CTNNA3: variants seen among roughly 807,000 people sequenced by gnomAD.
The protein encoded by CTNNA3 is catenin alpha 3.
A neutral mutation model predicts 95.7 loss-of-function variants in CTNNA3; 76 were observed. That is an observed-to-expected ratio of 0.79 (90% confidence interval 0.66 to 0.96). The LOEUF (loss-of-function observed/expected upper bound fraction) is 0.96. Ranked by LOEUF, CTNNA3 falls within the 40% of genes least tolerant of loss-of-function variation. The pLI is 0.00. For synonymous variants in CTNNA3, 431 were observed against 374.4 expected (o/e 1.15, Z -1.74); for missense variants, 1,191 against 1,089.8 (o/e 1.09, Z -1.31).
intron 17 of CTNNA3, among the ~76,000 whole-genome samples, chr10:65,944,863 T>C (rs544360430): frequency 1.3e-4 from 11 of 86,668 alleles, no homozygotes; most frequent in African/African-American, 3.6e-4. Context: ...TGTCTATCTA[T>C]CTATCTATCT....
At chr10:66,749,558 T>C (rs1839048765) in intron 9 of CTNNA3, among the ~76,000 whole-genome samples, 1 of 152,200 alleles carries the variant, frequency 6.6e-6, no homozygotes, top group South Asian at 2.1e-4. Context: ...TTTTTTGTGT[T>C]GAGTAATATT....
At chr10:66,449,622 A>G (rs769033429) in intron 11 of CTNNA3, among the ~76,000 whole-genome samples, 29 of 152,212 alleles carry the variant, frequency 1.9e-4, no homozygotes, top group Non-Finnish European at 2.9e-4. Flanking sequence ...TTTGCCTTCT[A>G]TAAATTATAA....
chr10:66,404,474 T>C (rs1474231792), intron 11 of CTNNA3, among the ~76,000 whole-genome samples: 1 of 152,196 alleles, frequency 6.6e-6, no homozygotes, highest in Non-Finnish European at 1.5e-5. Flanking sequence ...TTCTATTGTG[T>C]GCTGGGCACT....
chr10:66,965,349 A>T (rs1057181570), intron 7 of CTNNA3, among the ~76,000 whole-genome samples: 14 of 152,072 alleles, frequency 9.2e-5, no homozygotes, highest in African/African-American at 3.4e-4. Flanking sequence ...ATCTTGGCCA[A>T]CATGGTGAAA....
chr10:67,540,404 T>C (rs1238084757), intron 3 of CTNNA3, among the ~76,000 whole-genome samples: 1 of 152,008 alleles, frequency 6.6e-6, no homozygotes, highest in African/African-American at 2.4e-5. Flanking sequence ...CTTTTTATTA[T>C]AAAAGTACTA....
intron 5 of CTNNA3, among the ~76,000 whole-genome samples, chr10:67,480,479 G>A (rs1029062107): frequency 1.3e-5 from 2 of 152,228 alleles, no homozygotes; most frequent in Non-Finnish European, 2.9e-5. Context: ...TGATGCCCAT[G>A]CTGGAAGTTG....
At chr10:66,391,624 AC>A (rs1444369831) in intron 11 of CTNNA3, among the ~76,000 whole-genome samples, 2 of 152,116 alleles carry the variant, frequency 1.3e-5, no homozygotes, top group East Asian at 3.9e-4. Flanking sequence ...GATTCTTGTT[AC>A]AAAAAGTGTT....
At chr10:67,602,242 ATTTTGT>A (rs1843106040) in intron 3 of CTNNA3, among the ~76,000 whole-genome samples, 1 of 151,724 alleles carries the variant, frequency 6.6e-6, no homozygotes, top group South Asian at 2.1e-4. Context: ...TGTTTCAAGT[ATTTTGT>A]AGAGTTTATT....
At chr10:66,890,796 G>T (rs900364489) in intron 7 of CTNNA3, among the ~76,000 whole-genome samples, 2 of 152,154 alleles carry the variant, frequency 1.3e-5, no homozygotes, top group African/African-American at 4.8e-5. Flanking sequence ...TATTAGGAAT[G>T]ATTTAGTAGG....
intron 9 of CTNNA3, among the ~76,000 whole-genome samples, chr10:66,705,620 G>A (rs796099617): frequency 5.3e-5 from 8 of 152,118 alleles, no homozygotes; most frequent in African/African-American, 1.9e-4. Flanking sequence ...TTGAGGTGTT[G>A]ACATCTCTAA....
At chr10:67,174,991 C>G (rs561075357) in intron 7 of CTNNA3, among the ~76,000 whole-genome samples, 1 of 146,466 alleles carries the variant, frequency 6.8e-6, no homozygotes, top group African/African-American at 2.5e-5. Flanking sequence ...ATAATGAAAA[C>G]GGTTAAGAAT....
At chr10:66,777,666 T>A (rs956409979) in intron 7 of CTNNA3, among the ~76,000 whole-genome samples, 18 of 152,052 alleles carry the variant, frequency 1.2e-4, no homozygotes, top group African/African-American at 4.3e-4. Flanking sequence ...ATTCTCTAGC[T>A]TCATGCAGTG....
intron 5 of CTNNA3, among the ~76,000 whole-genome samples, chr10:67,278,705 C>T (rs910258948): frequency 2.0e-5 from 3 of 152,062 alleles, no homozygotes; most frequent in South Asian, 2.1e-4. Flanking sequence ...GGAAGGAAAA[C>T]GAAGGGGGAA....
intron 10 of CTNNA3, among the ~76,000 whole-genome samples, chr10:66,612,804 T>A (rs1430515676): frequency 1.3e-5 from 2 of 152,120 alleles, no homozygotes; most frequent in Non-Finnish European, 2.9e-5. Flanking sequence ...TTTTCCCAAA[T>A]GTGCAAATCT....
intron 12 of CTNNA3, among the ~76,000 whole-genome samples, chr10:66,362,774 T>C (rs186998416): frequency 9.3e-4 from 141 of 152,182 alleles, no homozygotes; most frequent in African/African-American, 3.2e-3. Flanking sequence ...ATCCCTCAGA[T>C]AGCTTTGCTC....
intron 17 of CTNNA3, among the ~76,000 whole-genome samples, chr10:65,926,903 T>C (rs774741986): frequency 3.3e-5 from 5 of 152,216 alleles, no homozygotes; most frequent in African/African-American, 4.8e-5. Context: ...TATTCTCCTA[T>C]GGTTACAGCT....
At chr10:66,919,306 T>C (rs903775258) in intron 7 of CTNNA3, among the ~76,000 whole-genome samples, 2 of 152,142 alleles carry the variant, frequency 1.3e-5, no homozygotes, top group African/African-American at 4.8e-5. Context: ...TCTCAACTTT[T>C]GCGTATGCTT....
chr10:66,412,860 A>T (rs188588312), intron 11 of CTNNA3, among the ~76,000 whole-genome samples: 7 of 152,322 alleles, frequency 4.6e-5, no homozygotes, highest in African/African-American at 1.7e-4. Context: ...ATTACCAAAT[A>T]GTTTAGGAAA....
intron 17 of CTNNA3, among the ~76,000 whole-genome samples, chr10:65,941,689 T>TC (rs2077432602): frequency 6.6e-6 from 1 of 152,138 alleles, no homozygotes; most frequent in African/African-American, 2.4e-5. Context: ...GACTGCTCCC[T>TC]CCCCCATTTC....
Sources: allele counts gnomAD v4.1 joint callset (sites outside exome capture counted in the v4.1 genomes callset), GRCh38; gene constraint gnomAD v4.1.1; transcripts MANE v1.5; gene names NCBI Gene and HGNC (gene_info 2026-07-23, HGNC 2026-07-21).